Variants in ENPP4 observed in about 807,000 individuals in gnomAD.
ENPP4 encodes the protein bis(5'-adenosyl)-triphosphatase ENPP4.
ENPP4 carries 18 observed loss-of-function variants against 33.4 expected under a neutral mutation model. The ratio of observed to expected loss-of-function variants is 0.54; its 90% CI spans 0.37 to 0.80. The LOEUF (loss-of-function observed/expected upper bound fraction) is 0.80, where lower values mean the gene tolerates loss of function less well. ENPP4 is among the 30% of genes least tolerant of loss of function. The probability of loss-of-function intolerance (pLI) is 0.00; values close to 1 mark genes in which losing one functional copy is unlikely to be tolerated. For missense variants in ENPP4, 480 were observed against 541.7 expected (o/e 0.89, Z 1.13); for synonymous variants, 172 against 189.9 (o/e 0.91, Z 0.78).
At position 46,143,726 on chromosome 6, in the gene ENPP4, G is replaced by T; in HGVS notation, c.*86G>T. ...AGAATAGTGTTGTAACTATGAAAAA[G>T]AATACTTTGAAAGACAAAGAACTTA... On this transcript the variant is annotated 3_prime_UTR_variant, in exon 4 of 4. Transcript: ENST00000321037. The T allele has an allele frequency of 7.7e-7, 1 of 1,302,968 alleles. No individual in the cohort carries two copies. The allele number at this position is 1,302,968 out of a possible 1,614,324, so 80.7% of individuals were successfully genotyped here.
In ENPP4 at chr6:46,130,116, C is replaced by A. The variant is rs1032080764; in HGVS notation, c.-107C>A. ...CCTCTTCCTCCAGGTCCCCCTTCCC[C>A]GCAACTTCCCACGAGTGCCAGGTGC... On this transcript the variant is annotated 5_prime_UTR_variant, in exon 1 of 4. Transcript: ENST00000321037. 1 of 152,260 alleles carries A rather than the reference C, an allele frequency of 6.6e-6. No individual in the cohort carries two copies. The highest frequency in any genetic ancestry group is 2.4e-5 in the African/African-American group (1 of 41,456). The allele number at this position is 152,260 out of a possible 1,614,324, so 9.4% of individuals were successfully genotyped here. A position where few individuals can be genotyped will look rare whatever the true frequency, so the allele number is the denominator to read the frequency against.
At chr6:46,143,137 A>G in intron 3 of ENPP4, 139 bp from the exon 4 acceptor site, 1 of 775,934 alleles carries the variant, frequency 1.3e-6, no homozygotes, top group Middle Eastern at 2.9e-4. Flanking sequence ...GGAAATATGG[A>G]ACATAGCTGA....
chr6:46,138,334 C>A (rs1056658179), intron 1 of ENPP4, among the ~76,000 whole-genome samples: 8 of 151,790 alleles, frequency 5.3e-5, no homozygotes, highest in African/African-American at 1.7e-4. Context: ...ATCTCAAATC[C>A]AGGTAGGATC....
At chr6:46,136,708 C>T (rs1212363515) in intron 1 of ENPP4, among the ~76,000 whole-genome samples, 2 of 151,686 alleles carry the variant, frequency 1.3e-5, no homozygotes, top group East Asian at 1.9e-4. Flanking sequence ...CAGAGCTGTG[C>T]CCAGAGAGAC....
At chr6:46,136,255 A>G (rs1763972848) in intron 1 of ENPP4, among the ~76,000 whole-genome samples, 1 of 151,940 alleles carries the variant, frequency 6.6e-6, no homozygotes, top group South Asian at 2.1e-4. Context: ...TGATTATTAT[A>G]TATTTGAAAA....
chr6:46,132,497 C>G (rs1252908369), intron 1 of ENPP4, among the ~76,000 whole-genome samples: 4 of 152,142 alleles, frequency 2.6e-5, no homozygotes, highest in African/African-American at 4.8e-5. Context: ...GGGCTCTGTT[C>G]TGTTCCATTG....
chr6:46,140,618 G>C (rs1764045146), intron 2 of ENPP4, among the ~76,000 whole-genome samples: 1 of 151,596 alleles, frequency 6.6e-6, no homozygotes, highest in African/African-American at 2.4e-5. Flanking sequence ...GTTTCAAAGT[G>C]AGTATTTCTT....
At chr6:46,138,120 A>G (rs1019542115) in intron 1 of ENPP4, among the ~76,000 whole-genome samples, 4 of 151,792 alleles carry the variant, frequency 2.6e-5, no homozygotes, top group Non-Finnish European at 5.9e-5. Context: ...TCTAACTGCA[A>G]TCCCAGATCT....
chr6:46,135,075 C>A (rs1763958228), intron 1 of ENPP4, among the ~76,000 whole-genome samples: 1 of 152,040 alleles, frequency 6.6e-6, no homozygotes, highest in African/African-American at 2.4e-5. Context: ...TTTTATTTAT[C>A]CATTCATAAG....
rs1764134978 is a variant in ENPP4 at position 46,146,038 on chromosome 6, T to C, written c.*2398T>C. Reference sequence around the variant, plus strand: ...ATAACTAACATGCTGCTCTATTTTCTGGGTGTAGAAAGTATTTGGCTCTAG... The same window carrying C: ...ATAACTAACATGCTGCTCTATTTTCCGGGTGTAGAAAGTATTTGGCTCTAG... On this transcript the variant is annotated 3_prime_UTR_variant, in exon 4 of 4. Transcript: ENST00000321037. The C allele has an allele frequency of 6.6e-6, 1 of 151,824 alleles. No individual in the cohort carries two copies. The highest frequency in any genetic ancestry group is 2.1e-4 in the South Asian group (1 of 4,834). 9.4% of individuals were successfully genotyped at this position (151,824 alleles called of 1,614,324 possible). A position where few individuals can be genotyped will look rare whatever the true frequency, so the allele number is the denominator to read the frequency against.
rs187239793 is a variant in ENPP4, at chr6:46,136,457, C to T, written c.-33-3094C>T. Among the ~76,000 whole-genome samples, 21 of 151,914 alleles carry T rather than the reference C, an allele frequency of 1.4e-4. No homozygotes were observed. The East Asian group carries it at 2.7e-3, about 20-fold the overall frequency. ...CTAACACTGAAGAGCTATTATAGGC[C>T]ACCAAGATGAACGATGATTATACTT... On this transcript the variant is annotated intron_variant, in intron 1 of 3. Transcript: ENST00000321037.
At position 46,139,737 on chromosome 6, in the gene ENPP4, T is replaced by G. The variant is rs779172029; in HGVS notation, c.154T>G (p.Phe52Val). 12 of 1,611,986 alleles carry G rather than the reference T, an allele frequency of 7.4e-6. 1 individual carries two copies. In the South Asian group the frequency reaches 1.1e-4, roughly 15 times the overall value. ...CTATGAATTTCCTCATCTCCAGAATTTTATCAAAGAAGGTGTTTTGGTAGA... is the reference window on the plus strand; with the variant it reads ...CTATGAATTTCCTCATCTCCAGAATGTTATCAAAGAAGGTGTTTTGGTAGA... ...KNYEFPHLQNFIKEGVLVEHV... is the reference protein window; with the variant it reads ...KNYEFPHLQNVIKEGVLVEHV... The change falls in exon 2 of 4, where the codon TTT becomes GTT. Residue 52 changes from phenylalanine (F) to valine (V), a missense_variant. Physicochemically the swap from Phe to Val is conservative, Grantham distance 50 (BLOSUM62 -1). Around this residue, in one of 3 missense-constraint regions of ENPP4, gnomAD observed 227 missense variants for 273.7 expected, o/e 0.83. Coordinates refer to ENST00000321037, the MANE Select transcript of ENPP4 (RefSeq NM_014936.5).
chr6:46,139,726 A>G lies in ENPP4; in HGVS notation c.143A>G (p.His48Arg), dbSNP rs1226905634. ...TATCTGAAGAACTATGAATTTCCTC[A>G]TCTCCAGAATTTTATCAAAGAAGGT... ...ADYLKNYEFP[H>R]LQNFIKEGVL... Residue 48 changes from histidine (H) to arginine (R), a missense_variant, in exon 2 of 4, where the codon CAT becomes CGT. Around this residue, in one of 3 missense-constraint regions of ENPP4, gnomAD observed 227 missense variants for 273.7 expected, o/e 0.83. Transcript: ENST00000321037. The G allele has an allele frequency of 6.8e-6, 11 of 1,611,646 alleles. No homozygotes were observed. The Admixed American group carries it at 8.4e-5, about 12-fold the overall frequency.
At chr6:46,143,122 G>A (rs760662498) in intron 3 of ENPP4, among the ~76,000 whole-genome samples, 154 bp from the exon 4 acceptor site, 4 of 151,394 alleles carry the variant, frequency 2.6e-5, no homozygotes, top group Non-Finnish European at 5.9e-5. Flanking sequence ...GAGAGAGAGA[G>A]AGAGGGAAAT....
chr6:46,139,613 T>C lies in ENPP4; in HGVS notation c.30T>C (p.Ser10=). 1 of 1,603,510 alleles carries C rather than the reference T, an allele frequency of 6.2e-7. No individual in the cohort carries two copies. Among genetic ancestry groups the C allele is most frequent in the Middle Eastern group, 1.7e-4 (1 of 6,018 alleles). ...AGTTATTAGTAATACTTTTGTTTTCTGGACTTATAACTGGTTTTAGAAGTG... is the reference window on the plus strand; with the variant it reads ...AGTTATTAGTAATACTTTTGTTTTCCGGACTTATAACTGGTTTTAGAAGTG... MKLLVILLF[S]GLITGFRSDS... The change falls in exon 2 of 4, where the codon TCT becomes TCC. Residue 10 remains serine (S), a synonymous_variant. Coordinates refer to ENST00000321037, the MANE Select transcript of ENPP4 (RefSeq NM_014936.5).
chr6:46,140,430 G>A (rs755777410), intron 2 of ENPP4, 21 bp downstream of exon 2: 1 of 1,402,080 alleles, frequency 7.1e-7, no homozygotes, highest in Non-Finnish European at 9.7e-7. Flanking sequence ...ATTCAACTGA[G>A]GGATACTATT....
chr6:46,143,203 A>G, intron 3 of ENPP4, 73 bp from the exon 4 acceptor site: 2 of 1,401,186 alleles, frequency 1.4e-6, no homozygotes, highest in South Asian at 1.4e-5. Flanking sequence ...TTGAATGTTT[A>G]TATACTAGAA....
chr6:46,135,490 A>T (rs1290447190), intron 1 of ENPP4, among the ~76,000 whole-genome samples: 2 of 151,904 alleles, frequency 1.3e-5, no homozygotes, highest in African/African-American at 2.4e-5. Flanking sequence ...TTTTCAGCTC[A>T]TGCTCATTTT....
At position 46,144,728 on chromosome 6, in the gene ENPP4, C is replaced by T. The variant is rs1764119134; in HGVS notation, c.*1088C>T. On this transcript the variant is annotated 3_prime_UTR_variant, in exon 4 of 4. Transcript: ENST00000321037. Reference sequence around the variant, plus strand: ...GAGGAATGGAGATTTTTGTATTTATCTTTGGGACTTTATGCCTTACTTTTT... The same window carrying T: ...GAGGAATGGAGATTTTTGTATTTATTTTTGGGACTTTATGCCTTACTTTTT... 2.7e-6 allele frequency: 1 copy of T among 371,070 alleles called. No individual in the cohort carries two copies. The highest frequency in any genetic ancestry group is 1.5e-4 in the South Asian group (1 of 6,798). 23.0% of individuals were successfully genotyped at this position (371,070 alleles called of 1,614,324 possible). A position where few individuals can be genotyped will look rare whatever the true frequency, so the allele number is the denominator to read the frequency against.
Sources: gnomAD v4.1 joint callset for allele counts (sites outside exome capture counted in the v4.1 genomes callset) on GRCh38, gnomAD v4.1.1 for gene constraint, gnomAD v4.1.1 regional missense constraint, MANE v1.5 for transcripts, NCBI Gene and HGNC (gene_info 2026-07-23, HGNC 2026-07-21) for gene names.